ITIH5: variants seen among roughly 807,000 people sequenced by gnomAD.
ITIH5 encodes inter-alpha-trypsin inhibitor heavy chain H5.
In ITIH5, 65 loss-of-function variants were observed where a neutral mutation model predicts 77.5. The observed-to-expected ratio is 0.84, with a 90% CI of 0.69 to 1.03. The LOEUF is 1.03. Ranked by LOEUF, ITIH5 falls within the 50% of genes least tolerant of loss-of-function variation. ITIH5 has a pLI of 0.00. For missense variants in ITIH5, 1,208 were observed against 1,213.1 expected, an observed-to-expected ratio of 1.00 and a Z score of 0.06; for synonymous variants, 525 against 494.3, an observed-to-expected ratio of 1.06 and a Z score of -0.82.
chr10:7,617,445 T>G, intron 5 of ITIH5, 163 bp from the exon 6 acceptor site: 1 of 466,976 alleles, frequency 2.1e-6, no homozygotes, highest in South Asian at 5.7e-5. Flanking sequence ...GCGAGAGTTA[T>G]GTCATCATAT....
intron 5 of ITIH5, among the ~76,000 whole-genome samples, chr10:7,633,803 G>T (rs1314253046): frequency 1.3e-5 from 2 of 152,072 alleles, no homozygotes; most frequent in African/African-American, 2.4e-5. Context: ...AAATGGGTCC[G>T]TGGTGGCCGG....
intron 2 of ITIH5, among the ~76,000 whole-genome samples, chr10:7,646,640 G>A (rs1298209894): frequency 2.6e-5 from 4 of 152,198 alleles, no homozygotes; most frequent in Non-Finnish European, 5.9e-5. Context: ...TACAAAGGGT[G>A]GCTGAAGCTG....
Position 7,617,269 on chromosome 10 carries a change from A to G in ITIH5, c.666T>C (p.Pro222=). The G allele has an allele frequency of 6.4e-7, 1 of 1,574,704 alleles. No homozygotes were observed. The highest frequency in any genetic ancestry group is 8.6e-7 in the Non-Finnish European group (1 of 1,162,726). ...TTTGGTTAATGACAGTAGATGGGGG[A>G]GGCCCAGAATCATCTGCAAACAAGA... The part of the protein sequence containing the change: ...GSGRGEDDSG[P]PPSTVINQNE... The change falls in exon 6 of 14, where the codon CCT becomes CCC. Residue 222 remains proline, a synonymous_variant. Coordinates refer to ENST00000397146, the MANE Select transcript of ITIH5 (RefSeq NM_030569.7).
chr10:7,650,454 G>A (rs771303332), intron 2 of ITIH5, among the ~76,000 whole-genome samples: 4 of 152,082 alleles, frequency 2.6e-5, no homozygotes, highest in Non-Finnish European at 4.4e-5. Context: ...AACAATACAG[G>A]GCCGGGCGTG....
At chr10:7,635,675 C>T (rs1403792135) in intron 5 of ITIH5, among the ~76,000 whole-genome samples, 2 of 152,174 alleles carry the variant, frequency 1.3e-5, no homozygotes, top group African/African-American at 4.8e-5. Flanking sequence ...AATGGCCTCT[C>T]ACATAGTCAT....
At chr10:7,564,374 GCAC>G (rs947744231) in intron 13 of ITIH5, among the ~76,000 whole-genome samples, 1 of 152,098 alleles carries the variant, frequency 6.6e-6, no homozygotes, top group African/African-American at 2.4e-5. Flanking sequence ...ATATAGTCAT[GCAC>G]CACATCATGA....
intron 9 of ITIH5, among the ~76,000 whole-genome samples, chr10:7,577,757 C>T (rs1398221193): frequency 6.6e-6 from 1 of 152,170 alleles, no homozygotes; most frequent in Non-Finnish European, 1.5e-5. Context: ...CTGTTGCTTC[C>T]TTGCTGTGTG....
chr10:7,572,396 G>T lies in ITIH5; in HGVS notation c.2032+746C>A. The T allele has an allele frequency of 7.3e-7, 1 of 1,364,376 alleles. No homozygotes were observed. Among genetic ancestry groups the T allele is most frequent in the Non-Finnish European group, 9.8e-7 (1 of 1,021,438 alleles). 84.5% of individuals were successfully genotyped at this position (1,364,376 alleles called of 1,614,324 possible). A position where few individuals can be genotyped will look rare whatever the true frequency, so the allele number is the denominator to read the frequency against. On this transcript the variant is annotated intron_variant, in intron 11 of 13. Coordinates refer to ENST00000397146, the MANE Select transcript of ITIH5 (RefSeq NM_030569.7). ...ATCTGTTCTTCCCTTCTGAAGCCAC[G>T]AACTGAAAAAAATGAAAACAAAAAC...
chr10:7,615,908 C>T lies in ITIH5; in HGVS notation c.939+74G>A, dbSNP rs550069479. On this transcript the variant is annotated intron_variant, in intron 7 of 13. Transcript: ENST00000397146. ...AAGCTGACGTTTGGCATCTACCGAA[C>T]TTTATTCGCAAAGCAAGTCATTGTC... is the stretch of plus-strand genomic sequence containing the variant. The T allele has an allele frequency of 4.1e-4, 393 of 947,734 alleles. 9 individuals carry two copies. In the South Asian group the frequency reaches 5.1e-3, roughly 12 times the overall value. The allele number at this position is 947,734 out of a possible 1,614,324, so 58.7% of individuals were successfully genotyped here.
chr10:7,587,790 C>G (rs1444451759), intron 7 of ITIH5, among the ~76,000 whole-genome samples: 1 of 152,166 alleles, frequency 6.6e-6, no homozygotes, highest in Non-Finnish European at 1.5e-5. Flanking sequence ...TCCAGAAGGA[C>G]ATGTGCTAAG....
intron 2 of ITIH5, among the ~76,000 whole-genome samples, chr10:7,650,328 T>C (rs1296742715): frequency 6.6e-6 from 1 of 152,240 alleles, no homozygotes; most frequent in African/African-American, 2.4e-5. Context: ...GAGAGAACTT[T>C]AGAAATCATC....
At chr10:7,581,217 G>C (rs186935004) in intron 8 of ITIH5, among the ~76,000 whole-genome samples, 2 of 152,154 alleles carry the variant, frequency 1.3e-5, no homozygotes, top group Non-Finnish European at 2.9e-5. Flanking sequence ...CCAAGATCGT[G>C]CCATTGCACT....
chr10:7,588,508 ATG>A (rs1023960005), intron 7 of ITIH5, among the ~76,000 whole-genome samples: 11 of 152,262 alleles, frequency 7.2e-5, no homozygotes, highest in African/African-American at 2.6e-4. Context: ...CAGAGTGAAA[ATG>A]TGTCTCAAAA....
rs765321981 is a variant in ITIH5 at position 7,642,026 on chromosome 10, G to A, written c.200C>T (p.Thr67Ile). Residue 67 changes from threonine to isoleucine, a missense_variant, in exon 3 of 14, where the codon ACT (threonine) becomes ATT (isoleucine). By Grantham distance (89) the Thr-to-Ile change is moderately conservative (BLOSUM62 -1). Transcript: ENST00000397146. ...KSTIISRYAF[T>I]TVSCRMLNRA... The stretch of plus-strand genomic sequence containing the variant: ...GTTCAGCATTCTGCAGGAAACCGTA[G>A]TGAAGGCATAACGGGAAATGATGGT... The A allele has an allele frequency of 9.3e-6, 15 of 1,613,910 alleles. No individual in the cohort carries two copies. The highest frequency in any genetic ancestry group is 3.3e-4 in the Middle Eastern group (2 of 6,084).
intron 6 of ITIH5, among the ~76,000 whole-genome samples, chr10:7,616,305 C>T (rs1833365510): frequency 6.6e-6 from 1 of 152,130 alleles, no homozygotes; most frequent in African/African-American, 2.4e-5. Flanking sequence ...TAGACTCTTC[C>T]CTTTAAAATT....
intron 7 of ITIH5, 64 bp from the exon 8 acceptor site, chr10:7,586,133 T>C: frequency 1.4e-6 from 2 of 1,431,012 alleles, no homozygotes; most frequent in Non-Finnish European, 1.9e-6. Context: ...TCCCCTGTTC[T>C]AGAAACCGCC....
At chr10:7,602,006 C>G (rs76401582) in intron 7 of ITIH5, among the ~76,000 whole-genome samples, 1 of 152,114 alleles carries the variant, frequency 6.6e-6, no homozygotes, top group African/African-American at 2.4e-5. Context: ...GTACGTGCCA[C>G]CACGCAGGGC....
chr10:7,566,920 GAA>G (rs373106484), intron 12 of ITIH5, among the ~76,000 whole-genome samples: 11 of 91,310 alleles, frequency 1.2e-4, no homozygotes, highest in African/African-American at 3.4e-4. Flanking sequence ...AGAAGAAGAA[GAA>G]AAGAAAAGAA....
Position 7,559,832 on chromosome 10 carries a change from C to T in ITIH5, c.*3251G>A. The T allele has an allele frequency of 2.2e-6, 1 of 454,410 alleles. No homozygotes were observed. The highest frequency in any genetic ancestry group is 4.4e-6 in the Non-Finnish European group (1 of 226,530). 28.1% of individuals were successfully genotyped at this position (454,410 alleles called of 1,614,324 possible). A position where few individuals can be genotyped will look rare whatever the true frequency, so the allele number is the denominator to read the frequency against. ...AGGTGGTGGAGAGGAAAAACACCAT[C>T]TCTCCCATGTCTTTTTTTTGTTTTG... On this transcript the variant is annotated 3_prime_UTR_variant, in exon 14 of 14. Transcript: ENST00000397146.
Sources: allele counts gnomAD v4.1 joint callset (sites outside exome capture counted in the v4.1 genomes callset), GRCh38; gene constraint gnomAD v4.1.1; transcripts MANE v1.5; gene names NCBI Gene and HGNC (gene_info 2026-07-23, HGNC 2026-07-21).